AGBL1: variants seen among roughly 807,000 people sequenced by gnomAD.
AGBL1 encodes AGBL carboxypeptidase 1, also known as cytosolic carboxypeptidase 4.
A neutral mutation model predicts 118.9 loss-of-function variants in AGBL1; 130 were observed. The ratio of observed to expected loss-of-function variants is 1.09; its 90% CI spans 0.95 to 1.26. AGBL1 has a LOEUF of 1.26. Among genes scored for constraint, AGBL1 ranks in the 50% most tolerant of loss-of-function variants. The probability of loss-of-function intolerance (pLI) is 0.00; values close to 1 mark genes in which losing one functional copy is unlikely to be tolerated. For missense variants in AGBL1, 1,584 were observed against 1,298.1 expected (o/e 1.22, Z -3.38); for synonymous variants, 555 against 478.9 (o/e 1.16, Z -2.08).
At chr15:86,091,975 T>C (rs1896058018) in intron 1 of AGBL1, among the ~76,000 whole-genome samples, 1 of 152,244 alleles carries the variant, frequency 6.6e-6, no homozygotes, top group Non-Finnish European at 1.5e-5. Flanking sequence ...CTAGGTGGTA[T>C]ATCTCTCTTC....
chr15:86,670,628 A>ACACACACACAC (rs59416251), intron 21 of AGBL1, among the ~76,000 whole-genome samples: 3 of 48,468 alleles, frequency 6.2e-5, no homozygotes, highest in African/African-American at 1.8e-4. Flanking sequence ...CACACACACA[A>ACACACACACAC]ACACGCTGTG....
intron 17 of AGBL1, among the ~76,000 whole-genome samples, chr15:86,307,176 G>A (rs553222070): frequency 2.0e-5 from 3 of 152,018 alleles, no homozygotes; most frequent in African/African-American, 4.8e-5. Context: ...CGTGACTCAG[G>A]TGGTCCATAT....
intron 22 of AGBL1, among the ~76,000 whole-genome samples, chr15:86,827,234 G>A (rs866115346): frequency 1.4e-5 from 2 of 141,942 alleles, no homozygotes; most frequent in African/African-American, 5.2e-5. Context: ...AAGAAAGCCA[G>A]CTATTAAATA....
intron 22 of AGBL1, among the ~76,000 whole-genome samples, chr15:86,685,419 A>G (rs929339933): frequency 1.3e-5 from 2 of 152,156 alleles, no homozygotes; most frequent in Non-Finnish European, 2.9e-5. Context: ...TTGTTTCAGT[A>G]CAATAGGAAT....
intron 22 of AGBL1, among the ~76,000 whole-genome samples, chr15:86,741,172 A>T (rs2077672239): frequency 6.6e-6 from 1 of 151,868 alleles, no homozygotes; most frequent in Non-Finnish European, 1.5e-5. Flanking sequence ...AGCTATGCCC[A>T]AGGGTAGGGT....
chr15:86,090,879 G>A (rs532529643), intron 1 of AGBL1, among the ~76,000 whole-genome samples: 1 of 152,112 alleles, frequency 6.6e-6, no homozygotes, highest in African/African-American at 2.4e-5. Context: ...CTATTCACTT[G>A]CTTATGCCAA....
At chr15:86,169,786 A>G (rs529345709) in intron 5 of AGBL1, among the ~76,000 whole-genome samples, 51 of 152,332 alleles carry the variant, frequency 3.3e-4, no homozygotes, top group Admixed American at 2.1e-3. Context: ...GAACCCATGA[A>G]TACAGAGCTG....
At chr15:86,507,651 T>G (rs866095879) in intron 18 of AGBL1, among the ~76,000 whole-genome samples, 1 of 152,004 alleles carries the variant, frequency 6.6e-6, no homozygotes, top group Non-Finnish European at 1.5e-5. Context: ...TATGATGAGA[T>G]GACATTTGAA....
chr15:86,117,434 T>G (rs551416173), intron 1 of AGBL1, among the ~76,000 whole-genome samples: 5 of 152,166 alleles, frequency 3.3e-5, no homozygotes, highest in Non-Finnish European at 7.3e-5. Flanking sequence ...ACCTGTAATT[T>G]CCAATTTTCC....
intron 12 of AGBL1, among the ~76,000 whole-genome samples, 160 bp downstream of exon 12, chr15:86,266,617 C>G (rs919714779): frequency 6.6e-6 from 1 of 152,150 alleles, no homozygotes. Context: ...CTTTAAGAAT[C>G]ATCGGCCAGG....
intron 23 of AGBL1, among the ~76,000 whole-genome samples, chr15:86,975,887 T>C (rs2081172184): frequency 6.6e-6 from 1 of 151,088 alleles, no homozygotes; most frequent in South Asian, 2.1e-4. Flanking sequence ...TCTGCATGAT[T>C]GTTTGGCCTG....
chr15:86,495,942 G>T (rs1164374390), intron 18 of AGBL1, among the ~76,000 whole-genome samples: 1 of 150,368 alleles, frequency 6.7e-6, no homozygotes, highest in Non-Finnish European at 1.5e-5. Flanking sequence ...CCATGTTTTT[G>T]CCCTCAATTC....
intron 6 of AGBL1, among the ~76,000 whole-genome samples, chr15:86,240,803 T>A (rs12903671): frequency 6.6e-6 from 1 of 151,958 alleles, no homozygotes; most frequent in African/African-American, 2.4e-5. Context: ...GTCACGGTAC[T>A]CTGTATAGCT....
At position 86,710,043 on chromosome 15, in the gene AGBL1, G is replaced by C. The variant is rs372141613; in HGVS notation, c.3158+35607G>C. ...AACACATGGCCAAAATGCTAGTCTG[G>C]CTTTGAATGGGGCGAGGAGCAGATA... On this transcript the variant is annotated intron_variant, in intron 22 of 22. Coordinates refer to ENST00000614907, the MANE Select transcript of AGBL1 (RefSeq NM_001386094.1). Among the ~76,000 whole-genome samples, 4 of 152,242 alleles carry C rather than the reference G, an allele frequency of 2.6e-5. No individual in the cohort carries two copies. The East Asian group carries it at 5.8e-4, about 22-fold the overall frequency.
intron 1 of AGBL1, among the ~76,000 whole-genome samples, chr15:86,112,848 G>GA (rs914222822): frequency 6.8e-4 from 104 of 151,998 alleles, no homozygotes; most frequent in African/African-American, 2.4e-3. Context: ...TAATGTAACT[G>GA]ATTTTTTTTT....
intron 1 of AGBL1, among the ~76,000 whole-genome samples, chr15:86,085,377 A>C (rs1260236189): frequency 6.6e-6 from 1 of 152,110 alleles, no homozygotes; most frequent in Non-Finnish European, 1.5e-5. Flanking sequence ...AATAAGATGG[A>C]GATGGAAGTT....
chr15:86,411,503 G>C (rs999126872), intron 18 of AGBL1, among the ~76,000 whole-genome samples: 3 of 152,122 alleles, frequency 2.0e-5, no homozygotes, highest in Admixed American at 6.6e-5. Context: ...TCCCCACCGC[G>C]ATTTACAGGT....
At chr15:86,825,899 A>G (rs1027576778) in intron 22 of AGBL1, among the ~76,000 whole-genome samples, 1 of 44,934 alleles carries the variant, frequency 2.2e-5, no homozygotes, top group South Asian at 6.3e-4. Context: ...ATAGATAGAT[A>G]GATAGATAGA....
Position 86,985,328 on chromosome 15 carries a change from T to C in AGBL1, c.3222-2659T>C, listed in dbSNP as rs769637167. On this transcript the variant is annotated intron_variant, in intron 23 of 24. Coordinates refer to the AGBL1 transcript ENST00000441037. ...CAGGAACTTCCTAATGATTTCCTCA[T>C]AGTTGTATCATTTTACACCCCTACC... Among the ~76,000 whole-genome samples, 4 of 152,212 alleles carry C rather than the reference T, an allele frequency of 2.6e-5. No homozygotes were observed. In the East Asian group the frequency reaches 7.7e-4, roughly 29 times the overall value.
Sources: allele counts gnomAD v4.1 joint callset (sites outside exome capture counted in the v4.1 genomes callset), GRCh38; gene constraint gnomAD v4.1.1; transcripts MANE v1.5; gene names NCBI Gene and HGNC (gene_info 2026-07-23, HGNC 2026-07-21).